Variants in SPACA7 observed in about 807,000 individuals in gnomAD.
SPACA7 encodes the protein sperm acrosome-associated protein 7.
A neutral mutation model predicts 26.3 loss-of-function variants in SPACA7; 19 were observed. That is an observed-to-expected ratio of 0.72 (90% CI 0.50 to 1.06). SPACA7 has a LOEUF of 1.06. SPACA7 is among the 50% of genes least tolerant of loss of function. The pLI is 0.00. For synonymous variants in SPACA7, 84 were observed against 84.5 expected (o/e 0.99, Z 0.04); for missense variants, 211 against 229.9 (o/e 0.92, Z 0.53).
chr13:112,394,484 G>T (rs1334047585), intron 2 of SPACA7, among the ~76,000 whole-genome samples: 1 of 151,526 alleles, frequency 6.6e-6, no homozygotes, highest in Non-Finnish European at 1.5e-5. Context: ...AGGAGCTGTC[G>T]CTGTCAGAAG....
intron 1 of SPACA7, among the ~76,000 whole-genome samples, chr13:112,380,269 G>A (rs572004372): frequency 5.3e-4 from 81 of 152,128 alleles, no homozygotes; most frequent in African/African-American, 1.9e-3. Flanking sequence ...GCCAGACATG[G>A]TGGTGCATGC....
chr13:112,395,248 T>C (rs1378386756), intron 2 of SPACA7, among the ~76,000 whole-genome samples: 2 of 152,042 alleles, frequency 1.3e-5, no homozygotes, highest in East Asian at 1.9e-4. Context: ...TGAGGGAGCA[T>C]GTGTGGCTTT....
intron 1 of SPACA7, among the ~76,000 whole-genome samples, chr13:112,385,530 T>C (rs1225241772): frequency 1.3e-5 from 2 of 152,238 alleles, no homozygotes; most frequent in Non-Finnish European, 1.5e-5. Context: ...GCTAGCGGCA[T>C]GCCTCTCCAC....
chr13:112,384,171 G>A (rs1156698481), intron 1 of SPACA7, among the ~76,000 whole-genome samples: 1 of 152,000 alleles, frequency 6.6e-6, no homozygotes, highest in Non-Finnish European at 1.5e-5. Flanking sequence ...CCTATACTTA[G>A]AGTTTTATAT....
chr13:112,424,282 C>A (rs1424457630), intron 5 of SPACA7, among the ~76,000 whole-genome samples: 1 of 152,204 alleles, frequency 6.6e-6, no homozygotes, highest in Non-Finnish European at 1.5e-5. Flanking sequence ...GAAGATTCCC[C>A]TGTCACTGCC....
chr13:112,381,506 A>T (rs939186029), intron 1 of SPACA7, among the ~76,000 whole-genome samples: 1 of 152,072 alleles, frequency 6.6e-6, no homozygotes, highest in Non-Finnish European at 1.5e-5. Flanking sequence ...AAAAAAAAAA[A>T]AAAAATGCAG....
intron 5 of SPACA7, among the ~76,000 whole-genome samples, chr13:112,416,196 T>C (rs1886679316): frequency 6.6e-6 from 1 of 152,122 alleles, no homozygotes; most frequent in Non-Finnish European, 1.5e-5. Flanking sequence ...TGCATAGTTG[T>C]TCAATTTTAT....
rs185107427 is a variant in SPACA7, at chr13:112,424,027, G to A, written c.446-8417G>A. 7.2e-5 allele frequency among the ~76,000 whole-genome samples: 11 copies of A among 152,294 alleles called. No individual in the cohort carries two copies. In the East Asian group the frequency reaches 7.7e-4, roughly 11 times the overall value. On this transcript the variant is annotated intron_variant, in intron 5 of 6. Coordinates refer to ENST00000283550, the MANE Select transcript of SPACA7 (RefSeq NM_145248.5). ...AAGCGTTTCACATTGAGAGAACTTCGTTTTAAAGAAAACGTCATGAAGCAT... is the reference window on the plus strand; with the variant it reads ...AAGCGTTTCACATTGAGAGAACTTCATTTTAAAGAAAACGTCATGAAGCAT...
At chr13:112,392,974 A>G in intron 1 of SPACA7, 47 bp from the exon 2 acceptor site, 1 of 1,550,538 alleles carries the variant, frequency 6.4e-7, no homozygotes, top group South Asian at 1.1e-5. Flanking sequence ...AAAAATATGC[A>G]AATTCAATGA....
intron 5 of SPACA7, among the ~76,000 whole-genome samples, chr13:112,407,829 A>G (rs985640407): frequency 6.6e-6 from 1 of 151,936 alleles, no homozygotes; most frequent in East Asian, 1.9e-4. Context: ...AACTATTCCA[A>G]TCAATAGAAA....
intron 3 of SPACA7, 93 bp from the exon 4 acceptor site, chr13:112,398,973 C>A: frequency 1.3e-6 from 1 of 757,592 alleles, no homozygotes; most frequent in African/African-American, 1.8e-5. Flanking sequence ...ACATCCCAAC[C>A]TTATATTGTA....
intron 2 of SPACA7, among the ~76,000 whole-genome samples, chr13:112,397,697 G>A (rs900907738): frequency 1.3e-5 from 2 of 152,200 alleles, no homozygotes; most frequent in Non-Finnish European, 2.9e-5. Context: ...ACACACGGAG[G>A]GCAGCTTTGG....
chr13:112,408,838 T>G (rs1886161064), intron 5 of SPACA7, among the ~76,000 whole-genome samples: 1 of 152,110 alleles, frequency 6.6e-6, no homozygotes, highest in South Asian at 2.1e-4. Context: ...TACCAATGAC[T>G]TTTTTCACAG....
chr13:112,410,848 C>A (rs577441394), intron 5 of SPACA7, among the ~76,000 whole-genome samples: 5 of 152,260 alleles, frequency 3.3e-5, no homozygotes, highest in African/African-American at 9.6e-5. Flanking sequence ...GGCATTTATA[C>A]CCCTGTGTTC....
intron 4 of SPACA7, 81 bp downstream of exon 4, chr13:112,399,254 C>T: frequency 1.3e-6 from 1 of 784,692 alleles, no homozygotes; most frequent in Middle Eastern, 2.2e-4. Context: ...CAGGCGGAAA[C>T]ATCTCCTTCC....
intron 5 of SPACA7, among the ~76,000 whole-genome samples, chr13:112,429,898 C>G (rs886417225): frequency 8.5e-5 from 13 of 152,224 alleles, no homozygotes; most frequent in African/African-American, 3.1e-4. Flanking sequence ...TGCTTTTATG[C>G]TATATTAAAT....
At chr13:112,378,651 G>A (rs1883847633) in intron 1 of SPACA7, 1 of 470,878 alleles carries the variant, frequency 2.1e-6, no homozygotes, top group South Asian at 1.6e-5. Context: ...AGGTCTCGAG[G>A]TTCCCAAAGT....
intron 5 of SPACA7, among the ~76,000 whole-genome samples, chr13:112,432,100 C>T (rs1439689396): frequency 6.6e-6 from 1 of 152,230 alleles, no homozygotes. Context: ...GAGCCCTGCT[C>T]ACCACCAGCA....
intron 2 of SPACA7, among the ~76,000 whole-genome samples, chr13:112,396,584 C>T (rs1031378543): frequency 6.6e-6 from 1 of 152,226 alleles, no homozygotes; most frequent in Non-Finnish European, 1.5e-5. Flanking sequence ...CCAGTAAATG[C>T]TTGCCATTCA....
Sources: gnomAD v4.1 joint callset for allele counts (sites outside exome capture counted in the v4.1 genomes callset) on GRCh38, gnomAD v4.1.1 for gene constraint, MANE v1.5 for transcripts, NCBI Gene and HGNC (gene_info 2026-07-23, HGNC 2026-07-21) for gene names.